Variants in PCYT1A observed in about 807,000 individuals in gnomAD.
PCYT1A encodes phosphate cytidylyltransferase 1A, choline, also known as choline-phosphate cytidylyltransferase A.
PCYT1A carries 25 observed loss-of-function variants against 43.7 expected under a neutral mutation model. The ratio of observed to expected loss-of-function variants is 0.57; its 90% CI spans 0.42 to 0.80. The LOEUF (loss-of-function observed/expected upper bound fraction) is 0.80, where lower values mean the gene tolerates loss of function less well. Among genes scored for constraint, PCYT1A ranks in the 30% least tolerant of loss-of-function variants. The pLI is 0.00. For missense variants in PCYT1A, 421 were observed against 474.2 expected, an observed-to-expected ratio of 0.89 and a Z score of 1.04; for synonymous variants, 172 against 170.7, an observed-to-expected ratio of 1.01 and a Z score of -0.06.
At chr3:196,257,493 A>T (rs1724984556) in intron 3 of PCYT1A, among the ~76,000 whole-genome samples, 1 of 152,214 alleles carries the variant, frequency 6.6e-6, no homozygotes, top group Non-Finnish European at 1.5e-5. Flanking sequence ...GAAATAGATA[A>T]GATCATAACT....
At chr3:196,262,996 T>A (rs564465006) in intron 2 of PCYT1A, among the ~76,000 whole-genome samples, 1 of 152,276 alleles carries the variant, frequency 6.6e-6, no homozygotes, top group African/African-American at 2.4e-5. Flanking sequence ...GGTTTCGCGA[T>A]GTTGGCCAGG....
Position 196,238,848 on chromosome 3 carries a change from C to G in PCYT1A, c.944G>C (p.Ser315Thr), listed in dbSNP as rs1305786964. ...EGKGRMLQAI[S>T]PKQSPSSSPT... Reference sequence around the variant, plus strand: ...GCTGCTGCTGGGGCTCTGCTTCGGGCTGATGGCCTGCAGCATCCGGCCCTT... The same window carrying G: ...GCTGCTGCTGGGGCTCTGCTTCGGGGTGATGGCCTGCAGCATCCGGCCCTT... Residue 315 changes from serine to threonine, a missense_variant, in exon 9 of 9, where the codon AGC becomes ACC. This residue lies in a region of PCYT1A where 108 missense variants were observed against 85.7 expected (regional missense o/e 1.26). Transcript: ENST00000431016. 2.0e-6 allele frequency: 3 copies of G among 1,534,802 alleles called. No individual in the cohort carries two copies. The highest frequency in any genetic ancestry group is 2.6e-6 in the Non-Finnish European group (3 of 1,141,148).
chr3:196,243,478 A>G (rs865954639), intron 5 of PCYT1A, among the ~76,000 whole-genome samples: 5 of 152,148 alleles, frequency 3.3e-5, no homozygotes, highest in Non-Finnish European at 5.9e-5. Context: ...ACCGAAGGCC[A>G]TAAGAGAAGT....
At position 196,277,116 on chromosome 3, in the gene PCYT1A, G is replaced by C. The variant is rs1466229924; in HGVS notation, c.-10-6575C>G. ...GTGGTGGCGGGCACCTGTAATCCCAGCTACTTGGGAGGCTGAGGCAGGAGA... is the reference window on the plus strand; with the variant it reads ...GTGGTGGCGGGCACCTGTAATCCCACCTACTTGGGAGGCTGAGGCAGGAGA... On this transcript the variant is annotated intron_variant, in intron 1 of 8. Transcript: ENST00000431016. This position sits in a 1 kb window ranked among gnomAD's most constrained non-coding sequence, Gnocchi z 4.1. 6.6e-6 allele frequency among the ~76,000 whole-genome samples: 1 copy of C among 152,012 alleles called. No individual in the cohort carries two copies. Among genetic ancestry groups the C allele is most frequent in the Non-Finnish European group, 1.5e-5 (1 of 68,002 alleles).
intron 1 of PCYT1A, among the ~76,000 whole-genome samples, chr3:196,284,807 C>T (rs777486394): frequency 6.6e-5 from 10 of 152,102 alleles, no homozygotes; most frequent in Non-Finnish European, 1.3e-4. Flanking sequence ...GAAAAAAGAC[C>T]CTAGAGGGAG....
rs552416922 is a variant in PCYT1A at position 196,236,521 on chromosome 3, A to G, written c.*2167T>C. On this transcript the variant is annotated 3_prime_UTR_variant, in exon 9 of 9. Transcript: ENST00000431016. ...ATTTAAGAGTAAGAACTGCGCTTCA[A>G]AGAAGAGTTAGAAATGTCGTTGTCA... The G allele has an allele frequency of 4.6e-5, 7 of 150,812 alleles. No homozygotes were observed. The South Asian group carries it at 1.5e-3, about 31-fold the overall frequency. 9.3% of individuals were successfully genotyped at this position (150,812 alleles called of 1,614,324 possible).
intron 3 of PCYT1A, among the ~76,000 whole-genome samples, chr3:196,249,210 G>A (rs1223594341): frequency 1.3e-5 from 2 of 151,588 alleles, no homozygotes; most frequent in Non-Finnish European, 2.9e-5. Flanking sequence ...GCACTGATGT[G>A]GTCACAGCTC....
At position 196,268,080 on chromosome 3, in the gene PCYT1A, T is replaced by C. The variant is rs1425918461; in HGVS notation, c.117+2335A>G. The stretch of plus-strand genomic sequence containing the variant: ...TCACTGAACTGATTTCACATGAATA[T>C]ATGAAGCAAAGTAATTTAAAGCATT... On this transcript the variant is annotated intron_variant, in intron 2 of 8. Transcript: ENST00000431016. The surrounding 1 kb of genome is among the most constrained non-coding windows in gnomAD (Gnocchi z 4.4). Among the ~76,000 whole-genome samples, 1 of 151,444 alleles carries C rather than the reference T, an allele frequency of 6.6e-6. No homozygotes were observed. The highest frequency in any genetic ancestry group is 2.4e-5 in the African/African-American group (1 of 41,148).
Position 196,241,553 on chromosome 3 carries a change from A to G in PCYT1A, c.708+395T>C, listed in dbSNP as rs1265491321. 3.1e-6 allele frequency: 4 copies of G among 1,295,670 alleles called. No homozygotes were observed. The South Asian group carries it at 4.9e-5, about 16-fold the overall frequency. 80.3% of individuals were successfully genotyped at this position (1,295,670 alleles called of 1,614,324 possible). ...TTTCGTCAATCCAAATTTAAAACTCAGGTCTGTGTGGGAAGTGGTGTGTCG... is the reference window on the plus strand; with the variant it reads ...TTTCGTCAATCCAAATTTAAAACTCGGGTCTGTGTGGGAAGTGGTGTGTCG... On this transcript the variant is annotated intron_variant, in intron 7 of 8. Coordinates refer to ENST00000431016, the MANE Select transcript of PCYT1A (RefSeq NM_001312673.2).
chr3:196,270,055 T>A (rs1725386472), intron 2 of PCYT1A, among the ~76,000 whole-genome samples: 1 of 152,010 alleles, frequency 6.6e-6, no homozygotes, highest in Non-Finnish European at 1.5e-5. Context: ...GTATTTTTAG[T>A]AAAGACAGGG....
At chr3:196,267,208 TGTACATG>T (rs1388994961) in intron 2 of PCYT1A, 1 of 374,172 alleles carries the variant, frequency 2.7e-6, no homozygotes, top group African/African-American at 2.2e-5. Context: ...ATTAAGTACT[TGTACATG>T]TTGCAGTACG....
chr3:196,280,574 T>TG lies in PCYT1A; in HGVS notation c.-11+7040_-11+7041insC, dbSNP rs1553837262. ...TGTTGTATTGGTATTTTTATTGTTTTTTTTTTTTTTTTTTTCTGAATATTT... is the reference window on the plus strand; with the variant it reads ...TGTTGTATTGGTATTTTTATTGTTTTGTTTTTTTTTTTTTTTCTGAATATTT... On this transcript the variant is annotated intron_variant, in intron 1 of 8. Transcript: ENST00000431016. 2.4e-4 allele frequency among the ~76,000 whole-genome samples: 35 copies of TG among 147,476 alleles called. 1 individual carries two copies. Among genetic ancestry groups the TG allele is most frequent in the African/African-American group, 7.7e-4 (31 of 40,410 alleles).
chr3:196,239,412 T>C (rs1724283817), intron 8 of PCYT1A, 135 bp downstream of exon 8: 6 of 569,344 alleles, frequency 1.1e-5, no homozygotes, highest in African/African-American at 1.9e-5. Context: ...CTGGGGACAG[T>C]TGAAAGATAG....
chr3:196,238,604 G>T lies in PCYT1A; in HGVS notation c.*84C>A, dbSNP rs890817609. The T allele has an allele frequency of 3.2e-6, 3 of 946,060 alleles. No homozygotes were observed. The highest frequency in any genetic ancestry group is 4.6e-6 in the Non-Finnish European group (3 of 645,308). The allele number at this position is 946,060 out of a possible 1,614,324, so 58.6% of individuals were successfully genotyped here. A position where few individuals can be genotyped will look rare whatever the true frequency, so the allele number is the denominator to read the frequency against. ...CTTTGTAGCTGTCCTTAGGTTTAGT[G>T]TTGGGGTCACAATTTGGAATTCAAC... On this transcript the variant is annotated 3_prime_UTR_variant, in exon 9 of 9. Transcript: ENST00000431016.
chr3:196,240,297 AATG>A, intron 7 of PCYT1A, among the ~76,000 whole-genome samples: 1 of 152,152 alleles, frequency 6.6e-6, no homozygotes, highest in Non-Finnish European at 1.5e-5. Context: ...TCATTTGCAA[AATG>A]ATGATACTCG....
chr3:196,283,895 C>T (rs540009019), intron 1 of PCYT1A, among the ~76,000 whole-genome samples: 1 of 152,286 alleles, frequency 6.6e-6, no homozygotes, highest in African/African-American at 2.4e-5. Context: ...GATGTACAAG[C>T]AGCCAGCCAC....
chr3:196,281,561 A>G lies in PCYT1A; in HGVS notation c.-11+6054T>C, dbSNP rs142264209. Among the ~76,000 whole-genome samples the G allele has an allele frequency of 2.6e-3, 393 of 152,326 alleles. 3 individuals carry two copies. The highest frequency in any genetic ancestry group is 9.0e-3 in the African/African-American group (374 of 41,578). ...CTTTTGTGCTACAACAGCAGAGCTG[A>G]GTAGTCACAGATACTGTGTGACCTG... is the stretch of plus-strand genomic sequence containing the variant. On this transcript the variant is annotated intron_variant, in intron 1 of 8. Coordinates refer to ENST00000431016, the MANE Select transcript of PCYT1A (RefSeq NM_001312673.2).
At chr3:196,259,691 A>C (rs1237859337) in intron 2 of PCYT1A, among the ~76,000 whole-genome samples, 1 of 151,746 alleles carries the variant, frequency 6.6e-6, no homozygotes, top group Non-Finnish European at 1.5e-5. Context: ...AAAAAAATAC[A>C]AACATTAGCT....
chr3:196,251,328 C>CCAGATACACTATGCTGAGGCTGAGGAT (rs1560166938), intron 3 of PCYT1A: 6 of 158,498 alleles, frequency 3.8e-5, no homozygotes, highest in African/African-American at 1.5e-4. Flanking sequence ...AGGCTGAGGA[C>CCAGATACACTATGCTGAGGCTGAGGAT]CAGATACACT....
Sources: gnomAD v4.1 joint callset for allele counts (sites outside exome capture counted in the v4.1 genomes callset) on GRCh38, gnomAD v4.1.1 for gene constraint, gnomAD v4.1.1 regional missense constraint, Gnocchi (gnomAD v3.1) non-coding constraint, MANE v1.5 for transcripts, NCBI Gene and HGNC (gene_info 2026-07-23, HGNC 2026-07-21) for gene names.